Variants in MTOR observed in about 807,000 individuals in gnomAD.
MTOR encodes the protein mechanistic target of rapamycin kinase.
A neutral mutation model predicts 319.8 loss-of-function variants in MTOR; 70 were observed. That is an observed-to-expected ratio of 0.22 (90% CI 0.18 to 0.27). The LOEUF (loss-of-function observed/expected upper bound fraction) is 0.27, where lower values mean the gene tolerates loss of function less well. Ranked by LOEUF, MTOR falls within the 10% of genes least tolerant of loss-of-function variation. The pLI is 1.00. For synonymous variants in MTOR, 1,183 were observed against 1,211.4 expected (o/e 0.98, Z 0.49); for missense variants, 1,890 against 3,274.4 (o/e 0.58, Z 10.32).
rs1244632308 is a variant in MTOR at position 11,212,518 on chromosome 1, C to T, written c.3399-44G>A. On this transcript the variant is annotated intron_variant, in intron 22 of 57. Coordinates refer to ENST00000361445, the MANE Select transcript of MTOR (RefSeq NM_004958.4). The surrounding 1 kb of genome is among the most constrained non-coding windows in gnomAD (Gnocchi z 4.1). The stretch of plus-strand genomic sequence containing the variant: ...TACAGTAACTGCTAACATACAATCT[C>T]CAAGGAAGAGACGTGACTGAGGGTG... 1.9e-6 allele frequency: 3 copies of T among 1,591,354 alleles called. No individual in the cohort carries two copies. The highest frequency in any genetic ancestry group is 2.6e-6 in the Non-Finnish European group (3 of 1,168,820).
At position 11,243,221 on chromosome 1, in the gene MTOR, T is replaced by G. The variant is rs1648328155; in HGVS notation, c.1305A>C (p.Gln435His). 1 of 1,614,056 alleles carries G rather than the reference T, an allele frequency of 6.2e-7. No homozygotes were observed. The highest frequency in any genetic ancestry group is 1.7e-5 in the Admixed American group (1 of 60,006). The part of the protein sequence containing the change: ...KKEKERTAAF[Q>H]ALGLLSVAVR... ...CAGCCACAGAAAGTAGCCCCAGGGC[T>G]TGGAAGGCCGCTGTACGTTCCTTCT... Residue 435 changes from glutamine to histidine, a missense_variant, in exon 9 of 58, where the codon CAA (glutamine) becomes CAC (histidine). Physicochemically the swap from Gln to His is conservative, Grantham distance 24. This residue lies in a region of MTOR where 418 missense variants were observed against 543.1 expected (regional missense o/e 0.77). Coordinates refer to ENST00000361445, the MANE Select transcript of MTOR (RefSeq NM_004958.4).
intron 11 of MTOR, among the ~76,000 whole-genome samples, chr1:11,239,092 G>T (rs1370341293): frequency 6.6e-6 from 1 of 152,110 alleles, no homozygotes; most frequent in Non-Finnish European, 1.5e-5. Context: ...AACTTTTAAA[G>T]GGTAACAAGG....
chr1:11,216,283 C>T, intron 19 of MTOR, 49 bp from the exon 20 acceptor site: 2 of 1,432,890 alleles, frequency 1.4e-6, no homozygotes, highest in Non-Finnish European at 2.0e-6. Context: ...GGACATTGAA[C>T]CCCCAGGCTT....
At chr1:11,254,177 T>C (rs569118941) in intron 5 of MTOR, among the ~76,000 whole-genome samples, 1 of 152,252 alleles carries the variant, frequency 6.6e-6, no homozygotes, top group Admixed American at 6.5e-5. Context: ...TCTTGCTCTA[T>C]TGCCCAGGCT....
chr1:11,140,327 A>G lies in MTOR; in HGVS notation c.4873-669T>C, dbSNP rs553436150. On this transcript the variant is annotated intron_variant, in intron 34 of 57. Coordinates refer to ENST00000361445, the MANE Select transcript of MTOR (RefSeq NM_004958.4). Reference sequence around the variant, plus strand: ...CACAGATTGGGTGGGGGGCGGGGGGATGGTTTTCAGATGATCATCAGGCAT... The same window carrying G: ...CACAGATTGGGTGGGGGGCGGGGGGGTGGTTTTCAGATGATCATCAGGCAT... 5.7e-5 allele frequency among the ~76,000 whole-genome samples: 8 copies of G among 140,988 alleles called. No homozygotes were observed. The South Asian group carries it at 2.0e-3, about 35-fold the overall frequency. 92.5% of individuals were successfully genotyped at this position (140,988 alleles called of 152,430 possible). A position where few individuals can be genotyped will look rare whatever the true frequency, so the allele number is the denominator to read the frequency against.
chr1:11,157,386 C>T (rs537116907), intron 29 of MTOR, 95 bp from the exon 30 acceptor site: 37 of 1,410,244 alleles, frequency 2.6e-5, no homozygotes, highest in South Asian at 1.0e-4. Flanking sequence ...TGCTGCTGTA[C>T]GCATGACACT....
intron 29 of MTOR, among the ~76,000 whole-genome samples, chr1:11,158,075 C>T (rs1279007483): frequency 6.6e-6 from 1 of 152,110 alleles, no homozygotes; most frequent in East Asian, 1.9e-4. Flanking sequence ...CTGAAAGTTA[C>T]AGACTATGAC....
At chr1:11,256,274 G>A in intron 4 of MTOR, 82 bp from the exon 5 acceptor site, 1 of 1,523,314 alleles carries the variant, frequency 6.6e-7, no homozygotes, top group Non-Finnish European at 8.8e-7. Flanking sequence ...TCATCTTAGA[G>A]CCATACACAC....
chr1:11,251,969 G>A (rs1163277679), intron 6 of MTOR, among the ~76,000 whole-genome samples: 1 of 152,078 alleles, frequency 6.6e-6, no homozygotes, highest in Non-Finnish European at 1.5e-5. Context: ...AAAATCTGAA[G>A]GTTACCATTT....
intron 54 of MTOR, chr1:11,111,397 C>G (rs911163965): frequency 4.3e-6 from 1 of 231,600 alleles, no homozygotes; most frequent in African/African-American, 2.4e-5. Context: ...AGGAGAATTG[C>G]TTGAACTCGG....
At position 11,240,669 on chromosome 1, in the gene MTOR, T is replaced by C. The variant is rs1569757945; in HGVS notation, c.1542-122A>G. ...CCTCTGTTCTTCAGAGTAGAAAGGA[T>C]ATTATAAAATAAGAATAAAAGTGTA... On this transcript the variant is annotated intron_variant, in intron 10 of 57. Coordinates refer to ENST00000361445, the MANE Select transcript of MTOR (RefSeq NM_004958.4). 28 of 1,237,648 alleles carry C rather than the reference T, an allele frequency of 2.3e-5. No individual in the cohort carries two copies. The East Asian group carries it at 6.8e-4, about 30-fold the overall frequency. 76.7% of individuals were successfully genotyped at this position (1,237,648 alleles called of 1,614,324 possible).
chr1:11,137,261 C>T (rs1464440966), intron 36 of MTOR, among the ~76,000 whole-genome samples: 1 of 150,766 alleles, frequency 6.6e-6, no homozygotes, highest in East Asian at 1.9e-4. Context: ...CAGGTAGGAG[C>T]TAAACTAGGA....
intron 8 of MTOR, among the ~76,000 whole-genome samples, chr1:11,246,995 G>C (rs1170338609): frequency 6.6e-6 from 1 of 152,198 alleles, no homozygotes; most frequent in Non-Finnish European, 1.5e-5. Flanking sequence ...TTGTTATTCT[G>C]ATTTTACAAG....
intron 25 of MTOR, among the ~76,000 whole-genome samples, chr1:11,207,580 T>C (rs2982620): frequency 7.2e-6 from 1 of 139,010 alleles, no homozygotes; most frequent in Non-Finnish European, 1.5e-5. Flanking sequence ...AGCTAATTTT[T>C]AAAATTTTTT....
intron 20 of MTOR, among the ~76,000 whole-genome samples, chr1:11,214,662 T>C (rs1557431565): frequency 2.0e-5 from 3 of 152,342 alleles, no homozygotes; most frequent in Non-Finnish European, 4.4e-5. Flanking sequence ...AAAAGCATAA[T>C]GGTTTAGAAA....
Position 11,212,561 on chromosome 1 carries a change from C to A in MTOR, c.3399-87G>T. 2.0e-6 allele frequency: 3 copies of A among 1,480,398 alleles called. No individual in the cohort carries two copies. The highest frequency in any genetic ancestry group is 2.8e-6 in the Non-Finnish European group (3 of 1,090,836). 91.7% of individuals were successfully genotyped at this position (1,480,398 alleles called of 1,614,324 possible). ...TGAGGGTGAGCTTAACAATCAGCAC[C>A]AAAGGGATGGGAATGAACGGCTTCT... On this transcript the variant is annotated intron_variant, in intron 22 of 57. Transcript: ENST00000361445. This position sits in a 1 kb window ranked among gnomAD's most constrained non-coding sequence, Gnocchi z 4.1.
At chr1:11,200,753 C>T (rs891177937) in intron 26 of MTOR, among the ~76,000 whole-genome samples, 7 of 152,160 alleles carry the variant, frequency 4.6e-5, no homozygotes, top group African/African-American at 4.8e-5. Flanking sequence ...TGGTGGCTCA[C>T]GCCTGTAATC....
At chr1:11,246,033 T>C (rs954837276) in intron 8 of MTOR, among the ~76,000 whole-genome samples, 2 of 152,202 alleles carry the variant, frequency 1.3e-5, no homozygotes, top group Non-Finnish European at 2.9e-5. Context: ...GCTTATAACA[T>C]TGAGAAGTTT....
At chr1:11,245,899 G>C (rs1294112282) in intron 8 of MTOR, among the ~76,000 whole-genome samples, 1 of 152,058 alleles carries the variant, frequency 6.6e-6, no homozygotes, top group East Asian at 1.9e-4. Context: ...GACACAGCAA[G>C]ACCCTGTCTC....
Sources: allele counts gnomAD v4.1 joint callset (sites outside exome capture counted in the v4.1 genomes callset), GRCh38; gene constraint gnomAD v4.1.1; regional missense constraint gnomAD v4.1.1; non-coding constraint Gnocchi (gnomAD v3.1); transcripts MANE v1.5; gene names NCBI Gene and HGNC (gene_info 2026-07-23, HGNC 2026-07-21).